Variants in ADAMTS12 observed in about 807,000 individuals in gnomAD.
ADAMTS12 encodes the protein ADAM metallopeptidase with thrombospondin type 1 motif 12.
ADAMTS12 carries 118 observed loss-of-function variants against 167.8 expected under a neutral mutation model. The observed-to-expected ratio is 0.70, with a 90% CI of 0.61 to 0.82. The LOEUF (loss-of-function observed/expected upper bound fraction) is 0.82. Among genes scored for constraint, ADAMTS12 ranks in the 40% least tolerant of loss-of-function variants. The probability of loss-of-function intolerance (pLI) is 0.00; values close to 1 mark genes in which losing one functional copy is unlikely to be tolerated. For synonymous variants in ADAMTS12, 704 were observed against 716.9 expected, an observed-to-expected ratio of 0.98 and a Z score of 0.29; for missense variants, 1,916 against 1,998.8, an observed-to-expected ratio of 0.96 and a Z score of 0.79.
chr5:33,739,364 A>C (rs897387982), intron 3 of ADAMTS12, among the ~76,000 whole-genome samples: 3 of 152,194 alleles, frequency 2.0e-5, no homozygotes, highest in Admixed American at 1.3e-4. Flanking sequence ...CTGAAATGCT[A>C]GGTCCTGAAC....
chr5:33,556,670 T>C (rs1745500040), intron 20 of ADAMTS12, among the ~76,000 whole-genome samples: 1 of 152,158 alleles, frequency 6.6e-6, no homozygotes, highest in African/African-American at 2.4e-5. Context: ...TTTGACACAG[T>C]GTGGTCACAC....
intron 2 of ADAMTS12, among the ~76,000 whole-genome samples, chr5:33,787,749 T>C (rs1746381284): frequency 6.6e-6 from 1 of 152,190 alleles, no homozygotes; most frequent in Admixed American, 6.5e-5. Context: ...GTCCCATCCT[T>C]GGGGGTCTCT....
intron 2 of ADAMTS12, among the ~76,000 whole-genome samples, chr5:33,831,845 C>T (rs904033013): frequency 1.3e-5 from 2 of 152,218 alleles, no homozygotes; most frequent in African/African-American, 2.4e-5. Flanking sequence ...CAGAGACAGT[C>T]ATGAAAGCCC....
chr5:33,706,782 T>C (rs1201291526), intron 3 of ADAMTS12, among the ~76,000 whole-genome samples: 1 of 152,206 alleles, frequency 6.6e-6, no homozygotes, highest in African/African-American at 2.4e-5. Context: ...CTCAATAAAC[T>C]AGGTATTGAT....
intron 7 of ADAMTS12, among the ~76,000 whole-genome samples, chr5:33,654,532 G>A (rs1740974900): frequency 6.6e-6 from 1 of 152,178 alleles, no homozygotes; most frequent in Non-Finnish European, 1.5e-5. Flanking sequence ...CTGTCTAGGG[G>A]TGGATGAAAT....
intron 20 of ADAMTS12, among the ~76,000 whole-genome samples, chr5:33,555,510 A>T (rs1745450823): frequency 6.6e-6 from 1 of 152,192 alleles, no homozygotes. Flanking sequence ...TGGCCTCCCA[A>T]AGTGCTGGGA....
intron 2 of ADAMTS12, among the ~76,000 whole-genome samples, chr5:33,764,186 C>CT (rs1745453056): frequency 6.6e-6 from 1 of 152,232 alleles, no homozygotes; most frequent in African/African-American, 2.4e-5. Context: ...GGAGAGACTA[C>CT]TTCTCAAGTC....
intron 11 of ADAMTS12, among the ~76,000 whole-genome samples, chr5:33,639,763 G>A (rs1740372240): frequency 1.3e-5 from 2 of 152,138 alleles, no homozygotes; most frequent in South Asian, 2.1e-4. Flanking sequence ...TCAAGTACTG[G>A]TTGCAGCTGT....
chr5:33,611,383 A>C (rs78291058), intron 16 of ADAMTS12, among the ~76,000 whole-genome samples: 1 of 152,118 alleles, frequency 6.6e-6, no homozygotes, highest in South Asian at 2.1e-4. Context: ...ACAAAATGGT[A>C]AGAGCAATAA....
intron 2 of ADAMTS12, among the ~76,000 whole-genome samples, chr5:33,870,622 CA>C (rs1462704692): frequency 6.6e-6 from 1 of 152,152 alleles, no homozygotes; most frequent in East Asian, 1.9e-4. Flanking sequence ...TAGGAGGGGC[CA>C]GAGCTAAAAT....
chr5:33,556,903 T>C (rs943914053), intron 20 of ADAMTS12, among the ~76,000 whole-genome samples: 1 of 152,202 alleles, frequency 6.6e-6, no homozygotes, highest in African/African-American at 2.4e-5. Context: ...GAGTTGCTGC[T>C]GAATAAAATA....
intron 2 of ADAMTS12, among the ~76,000 whole-genome samples, chr5:33,788,741 A>T (rs1366037399): frequency 6.6e-6 from 1 of 152,158 alleles, no homozygotes. Flanking sequence ...CCATAAGCAA[A>T]CCTATTACCA....
At chr5:33,791,651 G>T (rs1746574502) in intron 2 of ADAMTS12, among the ~76,000 whole-genome samples, 1 of 151,990 alleles carries the variant, frequency 6.6e-6, no homozygotes, top group Non-Finnish European at 1.5e-5. Context: ...ATGAATGCTT[G>T]TTTCTTTGGT....
At chr5:33,673,857 C>A (rs1333113998) in intron 5 of ADAMTS12, among the ~76,000 whole-genome samples, 3 of 130,776 alleles carry the variant, frequency 2.3e-5, no homozygotes, top group East Asian at 4.5e-4. Context: ...TTGTCTTTTT[C>A]TCTTACCCCC....
At chr5:33,779,429 A>T (rs1463462547) in intron 2 of ADAMTS12, among the ~76,000 whole-genome samples, 2 of 152,040 alleles carry the variant, frequency 1.3e-5, no homozygotes, top group East Asian at 3.9e-4. Context: ...CAAGTGATCC[A>T]CCCACCTTGG....
intron 16 of ADAMTS12, among the ~76,000 whole-genome samples, chr5:33,604,369 C>T (rs565912535): frequency 3.3e-5 from 5 of 152,120 alleles, no homozygotes; most frequent in East Asian, 3.9e-4. Context: ...GGTGTGGTGG[C>T]GCATGCCTGT....
intron 13 of ADAMTS12, among the ~76,000 whole-genome samples, chr5:33,626,588 A>ATG (rs1739627854): frequency 7.3e-6 from 1 of 136,212 alleles, no homozygotes; most frequent in Non-Finnish European, 1.6e-5. Flanking sequence ...TGGTGATTTA[A>ATG]TGGTAATGAT....
intron 5 of ADAMTS12, among the ~76,000 whole-genome samples, chr5:33,677,838 G>A (rs1004341503): frequency 3.3e-5 from 5 of 151,966 alleles, no homozygotes; most frequent in Admixed American, 2.0e-4. Context: ...TGACTATCTC[G>A]CCTATGAGAA....
At chr5:33,857,286 C>A (rs1749438771) in intron 2 of ADAMTS12, among the ~76,000 whole-genome samples, 1 of 152,128 alleles carries the variant, frequency 6.6e-6, no homozygotes, top group South Asian at 2.1e-4. Context: ...AGATGTTGCA[C>A]AAAGGGTACA....
Sources: allele counts gnomAD v4.1 joint callset (sites outside exome capture counted in the v4.1 genomes callset), GRCh38; gene constraint gnomAD v4.1.1; transcripts MANE v1.5; gene names NCBI Gene and HGNC (gene_info 2026-07-23, HGNC 2026-07-21).